Variants in C11orf65 observed in about 807,000 individuals in gnomAD.
C11orf65 encodes chromosome 11 open reading frame 65, also known as protein MFI.
Under a neutral mutation model 35.3 loss-of-function variants are expected in C11orf65, and 38 were observed. The observed-to-expected ratio is 1.08, with a 90% CI of 0.83 to 1.41. C11orf65 has a LOEUF of 1.41. Ranked by LOEUF, C11orf65 falls within the 40% of genes most tolerant of loss-of-function variation. The pLI is 0.00. For missense variants in C11orf65, 370 were observed against 367.1 expected (o/e 1.01, Z -0.06); for synonymous variants, 105 against 114.4 (o/e 0.92, Z 0.53).
intron 3 of C11orf65, chr11:108,334,037 A>T (rs528834849): frequency 1.6e-6 from 2 of 1,272,036 alleles, no homozygotes; most frequent in African/African-American, 3.0e-5. Flanking sequence ...CATTTGAAAT[A>T]GTATTTTTAT....
rs535805512 is a variant in C11orf65, at chr11:108,457,575, G to A, written c.81+3904C>T. On this transcript the variant is annotated intron_variant, in intron 2 of 8. Transcript: ENST00000393084. ...AGAGAACTGATTGAACCTGGGAGGC[G>A]AAGGTTGCAGTGAGCCGAGATTGCA... Among the ~76,000 whole-genome samples the A allele has an allele frequency of 8.5e-5, 13 of 152,148 alleles. 1 individual carries two copies. Among genetic ancestry groups the A allele is most frequent in the South Asian group, 6.2e-4 (3 of 4,830 alleles).
intron 6 of C11orf65, among the ~76,000 whole-genome samples, chr11:108,312,162 C>T (rs1172722435): frequency 6.6e-6 from 1 of 152,194 alleles, no homozygotes; most frequent in Non-Finnish European, 1.5e-5. Context: ...ACAATCCAAT[C>T]TCTTTATAAA....
intron 3 of C11orf65, among the ~76,000 whole-genome samples, chr11:108,423,634 G>A (rs934837898): frequency 6.6e-6 from 1 of 152,164 alleles, no homozygotes; most frequent in African/African-American, 2.4e-5. Context: ...CCCAGCAGGG[G>A]TTGACAGACA....
Position 108,396,874 on chromosome 11 carries a change from T to TAAAG in C11orf65, c.561-3497_561-3496insCTTT, listed in dbSNP as rs1330766995. 2.9e-5 allele frequency among the ~76,000 whole-genome samples: 4 copies of TAAAG among 139,310 alleles called. No individual in the cohort carries two copies. The East Asian group carries it at 8.2e-4, about 28-fold the overall frequency. The allele number at this position is 139,310 out of a possible 152,430, so 91.4% of individuals were successfully genotyped here. A position where few individuals can be genotyped will look rare whatever the true frequency, so the allele number is the denominator to read the frequency against. On this transcript the variant is annotated intron_variant, in intron 6 of 8. Transcript: ENST00000393084. Reference sequence around the variant, plus strand: ...ATAAATAAATAAATAAATAAATAAATAAAATAAAATAGTTACTATTATAAT... The same window carrying TAAAG: ...ATAAATAAATAAATAAATAAATAAATAAAGAAAATAAAATAGTTACTATTATAAT...
At chr11:108,338,093 A>T (rs185493897) in intron 2 of C11orf65, among the ~76,000 whole-genome samples, 1 of 152,398 alleles carries the variant, frequency 6.6e-6, no homozygotes, top group East Asian at 1.9e-4. Context: ...CCACGCCTGT[A>T]ATCCCAGTAC....
intron 3 of C11orf65, among the ~76,000 whole-genome samples, chr11:108,429,048 G>C (rs2092949055): frequency 6.6e-6 from 1 of 152,172 alleles, no homozygotes; most frequent in Non-Finnish European, 1.5e-5. Flanking sequence ...TTGTGAGGCT[G>C]AGGTGGGAGG....
At chr11:108,415,934 C>A (rs2092724420) in intron 3 of C11orf65, among the ~76,000 whole-genome samples, 1 of 152,040 alleles carries the variant, frequency 6.6e-6, no homozygotes, top group Non-Finnish European at 1.5e-5. Context: ...AAAAAAAAAT[C>A]TAGACAAAGA....
chr11:108,442,573 G>A (rs2093173543), intron 2 of C11orf65, among the ~76,000 whole-genome samples: 2 of 152,172 alleles, frequency 1.3e-5, no homozygotes, highest in Non-Finnish European at 2.9e-5. Flanking sequence ...GGCAGCCAGA[G>A]AGAAAGGTCG....
chr11:108,344,831 A>G (rs1188920512), intron 2 of C11orf65, among the ~76,000 whole-genome samples: 1 of 151,812 alleles, frequency 6.6e-6, no homozygotes, highest in Non-Finnish European at 1.5e-5. Context: ...TAGTGAGACC[A>G]CATCTCTACA....
At position 108,393,342 on chromosome 11, in the gene C11orf65, A is replaced by T. The variant is rs759563036; in HGVS notation, c.597T>A (p.His199Gln). ...YSGSLEAKST[H>Q]HETLGLIHTA... The stretch of plus-strand genomic sequence containing the variant: ...TGTGAATTAGTCCTAGAGTTTCATG[A>T]TGTGTTGACTTAGCCTCCAGACTTC... The change falls in exon 7 of 9, where the codon CAT becomes CAA. Residue 199 changes from histidine (H) to glutamine (Q), a missense_variant. Transcript: ENST00000393084. The T allele has an allele frequency of 6.2e-7, 1 of 1,614,052 alleles. No homozygotes were observed. Among genetic ancestry groups the T allele is most frequent in the South Asian group, 1.1e-5 (1 of 91,074 alleles).
intron 6 of C11orf65, among the ~76,000 whole-genome samples, chr11:108,400,438 GT>G (rs1168506856): frequency 6.6e-6 from 1 of 152,268 alleles, no homozygotes; most frequent in South Asian, 2.1e-4. Context: ...CAGGCATAAT[GT>G]TCTATGGAAA....
At chr11:108,421,379 G>T (rs768839732) in intron 3 of C11orf65, among the ~76,000 whole-genome samples, 1 of 152,168 alleles carries the variant, frequency 6.6e-6, no homozygotes, top group Non-Finnish European at 1.5e-5. Flanking sequence ...AACCAGGCCA[G>T]GTGCGATAGC....
chr11:108,456,336 C>T (rs987825492), intron 2 of C11orf65, among the ~76,000 whole-genome samples: 4 of 152,158 alleles, frequency 2.6e-5, no homozygotes, highest in African/African-American at 9.6e-5. Flanking sequence ...AACTTTGTAC[C>T]TCTAAGTATA....
intron 2 of C11orf65, chr11:108,335,317 G>A (rs1459975394): frequency 3.5e-6 from 5 of 1,445,430 alleles, no homozygotes; most frequent in Admixed American, 2.2e-5. Flanking sequence ...TTATTATATG[G>A]TTGATTCAAG....
At chr11:108,425,255 G>A (rs1365318239) in intron 3 of C11orf65, among the ~76,000 whole-genome samples, 1 of 151,934 alleles carries the variant, frequency 6.6e-6, no homozygotes, top group Non-Finnish European at 1.5e-5. Flanking sequence ...TAGACCACTA[G>A]CCAGACTAAC....
At chr11:108,356,380 G>C (rs923056932) in intron 2 of C11orf65, among the ~76,000 whole-genome samples, 2 of 151,760 alleles carry the variant, frequency 1.3e-5, no homozygotes, top group Non-Finnish European at 2.9e-5. Flanking sequence ...TAATAAAAAT[G>C]CAAAAATTAG....
At chr11:108,326,818 A>ATTAT (rs962174545), downstream of C11orf65, among the ~76,000 whole-genome samples, 48 of 151,994 alleles carry the variant, frequency 3.2e-4, no homozygotes, top group East Asian at 9.7e-4. Flanking sequence ...ACTGTGCTTT[A>ATTAT]TTATTTATTT....
At chr11:108,436,702 C>G (rs531473770) in intron 2 of C11orf65, among the ~76,000 whole-genome samples, 2 of 151,994 alleles carry the variant, frequency 1.3e-5, no homozygotes, top group Non-Finnish European at 2.9e-5. Context: ...AAGACAAAGA[C>G]GCAATTTAAA....
At chr11:108,422,051 T>A (rs2092825569) in intron 3 of C11orf65, among the ~76,000 whole-genome samples, 1 of 152,122 alleles carries the variant, frequency 6.6e-6, no homozygotes, top group Non-Finnish European at 1.5e-5. Context: ...CCTGTCAACC[T>A]CCCGAGTAGC....
Sources: gnomAD v4.1 joint callset for allele counts (sites outside exome capture counted in the v4.1 genomes callset) on GRCh38, gnomAD v4.1.1 for gene constraint, MANE v1.5 for transcripts, NCBI Gene and HGNC (gene_info 2026-07-23, HGNC 2026-07-21) for gene names.